The following CHD6 variants were observed in gnomAD, a reference collection of about 807,000 sequenced individuals.
The protein encoded by CHD6 is ATP-dependent chromatin remodeler CHD6.
Under a neutral mutation model 276.9 loss-of-function variants are expected in CHD6, and 50 were observed. That is an observed-to-expected ratio of 0.18 (90% CI 0.14 to 0.23). The LOEUF (loss-of-function observed/expected upper bound fraction) is 0.23, where lower values mean the gene tolerates loss of function less well. Among genes scored for constraint, CHD6 ranks in the 10% least tolerant of loss-of-function variants. The pLI, the probability that CHD6 is intolerant of heterozygous loss-of-function variation, is 1.00. For missense variants in CHD6, 2,564 were observed against 3,365.8 expected (o/e 0.76, Z 5.89); for synonymous variants, 1,173 against 1,229.3 (o/e 0.95, Z 0.96).
intron 10 of CHD6, 22 bp from the exon 11 acceptor site, chr20:41,491,841 A>G (rs768362181): frequency 3.1e-6 from 5 of 1,613,254 alleles, no homozygotes; most frequent in African/African-American, 1.3e-5. Context: ...AGCAAACAGC[A>G]TAATAGATAG....
At position 41,544,084 on chromosome 20, in the gene CHD6, C is replaced by G. The variant is rs1209538418; in HGVS notation, c.33+7221G>C. Among the ~76,000 whole-genome samples the G allele has an allele frequency of 2.6e-5, 4 of 151,968 alleles. No individual in the cohort carries two copies. In the East Asian group the frequency reaches 7.7e-4, roughly 29 times the overall value. Reference sequence around the variant, plus strand: ...GTGAAACCCTGTCTCTACTAAAATACAAAAAATCAGCCAGGCGTGGTGGCG... The same window carrying G: ...GTGAAACCCTGTCTCTACTAAAATAGAAAAAATCAGCCAGGCGTGGTGGCG... On this transcript the variant is annotated intron_variant, in intron 2 of 36. Transcript: ENST00000373233.
intron 8 of CHD6, 142 bp downstream of exon 8, chr20:41,497,242 T>G: frequency 7.7e-6 from 5 of 651,056 alleles, no homozygotes; most frequent in South Asian, 7.1e-5. Flanking sequence ...AGACTAGTTT[T>G]GTTGCAAATC....
rs16985894 is a variant in CHD6 at position 41,530,210 on chromosome 20, T to C, written c.554+2840A>G. Among the ~76,000 whole-genome samples the C allele has an allele frequency of 7.5e-3, 1,150 of 152,320 alleles. 18 individuals carry two copies. The highest frequency in any genetic ancestry group is 0.026 in the African/African-American group (1,083 of 41,572). ...GCTGATAAACGAATGCCCATTTCTA[T>C]TGACTATTTCTCAACTGATTTAGAA... On this transcript the variant is annotated intron_variant, in intron 3 of 36. Transcript: ENST00000373233.
At chr20:41,607,782 AC>A (rs1331026022) in intron 1 of CHD6, among the ~76,000 whole-genome samples, 12 of 151,446 alleles carry the variant, frequency 7.9e-5, no homozygotes, top group South Asian at 6.3e-4. Context: ...AAAAAAAAAA[AC>A]ACCTCATTAA....
chr20:41,423,772 G>T, intron 29 of CHD6, 72 bp from the exon 30 acceptor site: 1 of 1,228,886 alleles, frequency 8.1e-7, no homozygotes, highest in Non-Finnish European at 1.2e-6. Context: ...CTTATTGAGA[G>T]CCTACTATGA....
intron 3 of CHD6, among the ~76,000 whole-genome samples, chr20:41,523,770 G>A (rs1470117198): frequency 1.3e-5 from 2 of 151,940 alleles, no homozygotes; most frequent in Non-Finnish European, 2.9e-5. Context: ...TGCTAGAACT[G>A]AGAGTTAGGA....
intron 17 of CHD6, among the ~76,000 whole-genome samples, chr20:41,463,266 G>A (rs747198391): frequency 2.0e-5 from 3 of 152,334 alleles, no homozygotes; most frequent in Admixed American, 2.0e-4. Context: ...AGTGCAGAGC[G>A]ACAGTTAGAA....
At chr20:41,471,379 G>A (rs976172116) in intron 17 of CHD6, among the ~76,000 whole-genome samples, 4 of 152,060 alleles carry the variant, frequency 2.6e-5, no homozygotes, top group Non-Finnish European at 5.9e-5. Flanking sequence ...TTAAAAATGG[G>A]TTATTCATTA....
At chr20:41,535,292 C>A (rs969828547) in intron 2 of CHD6, among the ~76,000 whole-genome samples, 14 of 152,184 alleles carry the variant, frequency 9.2e-5, no homozygotes, top group Non-Finnish European at 1.9e-4. Flanking sequence ...TATGGGTACA[C>A]TAGGGCTTCT....
At chr20:41,415,090 T>G in intron 34 of CHD6, 96 bp downstream of exon 34, 2 of 1,495,294 alleles carry the variant, frequency 1.3e-6, no homozygotes, top group Non-Finnish European at 9.0e-7. Flanking sequence ...GAAATAGAGA[T>G]AAAAGATCCA....
Position 41,535,395 on chromosome 20 carries a change from G to C in CHD6, c.34-1825C>G, listed in dbSNP as rs545880561. Among the ~76,000 whole-genome samples the C allele has an allele frequency of 1.6e-4, 24 of 152,324 alleles. No homozygotes were observed. The South Asian group carries it at 2.3e-3, about 14-fold the overall frequency. On this transcript the variant is annotated intron_variant, in intron 2 of 36. Coordinates refer to ENST00000373233, the MANE Select transcript of CHD6 (RefSeq NM_032221.5). ...TTGTATACAGAGAAATGGAAGATTA[G>C]TGATGTTAATTGATATGCCCAAGGC...
At chr20:41,609,526 C>T (rs968083262) in intron 1 of CHD6, among the ~76,000 whole-genome samples, 2 of 152,168 alleles carry the variant, frequency 1.3e-5, no homozygotes, top group Non-Finnish European at 2.9e-5. Flanking sequence ...CAAGGAGAGA[C>T]TATATAGCAT....
At chr20:41,524,486 A>G (rs1259570825) in intron 3 of CHD6, among the ~76,000 whole-genome samples, 1 of 152,218 alleles carries the variant, frequency 6.6e-6, no homozygotes, top group Admixed American at 6.5e-5. Context: ...GAAAAAGCAG[A>G]GTTTTACCAA....
At chr20:41,556,313 A>AGGGAGG in intron 1 of CHD6, among the ~76,000 whole-genome samples, 1 of 119,226 alleles carries the variant, frequency 8.4e-6, no homozygotes, top group Non-Finnish European at 1.6e-5. Flanking sequence ...GAGACGGGAG[A>AGGGAGG]GGGAGAGGGC....
rs1391018256 is a variant in CHD6 at position 41,493,558 on chromosome 20, G to C, written c.1294C>G (p.Leu432Val). The C allele has an allele frequency of 6.2e-7, 1 of 1,613,836 alleles. No individual in the cohort carries two copies. The change falls in exon 10 of 37, where the codon CTC (leucine) becomes GTC (valine). Residue 432 changes from leucine to valine, a missense_variant. By Grantham distance (32) the Leu-to-Val change is conservative (BLOSUM62 1). This residue lies in a region of CHD6 where 457 missense variants were observed against 889.0 expected (regional missense o/e 0.51). Transcript: ENST00000373233. ...KVKEFESLQV[L>V]PEIKHVERPA... ...TTTACCACATGCTTAATTTCAGGGA[G>C]AACTTGAAGAGATTCAAATTCTTTA... is the stretch of plus-strand genomic sequence containing the variant.
At chr20:41,426,266 A>ACGAACAAC in intron 27 of CHD6, 113 bp from the exon 28 acceptor site, 1 of 791,790 alleles carries the variant, frequency 1.3e-6, no homozygotes, top group Admixed American at 1.7e-5. Flanking sequence ...TCCCCTGCCC[A>ACGAACAAC]TGAACAACTC....
intron 28 of CHD6, among the ~76,000 whole-genome samples, chr20:41,425,768 C>T (rs1569064909): frequency 1.3e-5 from 2 of 151,670 alleles, no homozygotes; most frequent in Admixed American, 1.3e-4. Context: ...CAAACTAAAC[C>T]AACCCCCACA....
At chr20:41,451,310 A>T (rs2048233007) in intron 22 of CHD6, among the ~76,000 whole-genome samples, 1 of 152,208 alleles carries the variant, frequency 6.6e-6, no homozygotes, top group Non-Finnish European at 1.5e-5. Flanking sequence ...AAACTCCAGG[A>T]CCATTTAGTT....
chr20:41,588,314 C>T (rs574593978), intron 1 of CHD6, among the ~76,000 whole-genome samples: 1 of 152,196 alleles, frequency 6.6e-6, no homozygotes, highest in Admixed American at 6.5e-5. Flanking sequence ...TGCGCTGGCA[C>T]TGCTTTAAGT....
Sources: gnomAD v4.1 joint callset for allele counts (sites outside exome capture counted in the v4.1 genomes callset) on GRCh38, gnomAD v4.1.1 for gene constraint, gnomAD v4.1.1 regional missense constraint, MANE v1.5 for transcripts, NCBI Gene and HGNC (gene_info 2026-07-23, HGNC 2026-07-21) for gene names.